Variants in ULK4 observed in about 807,000 individuals in gnomAD.
ULK4 encodes unc-51 like kinase 4.
ULK4 carries 133 observed loss-of-function variants against 160.6 expected under a neutral mutation model. The ratio of observed to expected loss-of-function variants is 0.83; its 90% CI spans 0.72 to 0.96. ULK4 has a LOEUF of 0.96. ULK4 is among the 40% of genes least tolerant of loss of function. The pLI, the probability that ULK4 is intolerant of heterozygous loss-of-function variation, is 0.00. For synonymous variants in ULK4, 534 were observed against 539.8 expected, an observed-to-expected ratio of 0.99 and a Z score of 0.15; for missense variants, 1,580 against 1,499.5, an observed-to-expected ratio of 1.05 and a Z score of -0.89.
At chr3:41,544,851 G>T (rs1039924029) in intron 32 of ULK4, among the ~76,000 whole-genome samples, 1 of 152,138 alleles carries the variant, frequency 6.6e-6, no homozygotes, top group Non-Finnish European at 1.5e-5. Flanking sequence ...CATTTCAGAT[G>T]CTTCAAGTCT....
chr3:41,277,219 C>T (rs187058897), intron 35 of ULK4, among the ~76,000 whole-genome samples: 123 of 152,212 alleles, frequency 8.1e-4, no homozygotes, highest in African/African-American at 2.9e-3. Flanking sequence ...CACAAGATAA[C>T]AAAAGAAGGA....
chr3:41,515,356 T>G, intron 32 of ULK4, among the ~76,000 whole-genome samples: 1 of 152,096 alleles, frequency 6.6e-6, no homozygotes, highest in Non-Finnish European at 1.5e-5. Flanking sequence ...TATATTCATA[T>G]AATAGAATAC....
chr3:41,828,583 T>C (rs1380523581), intron 18 of ULK4, among the ~76,000 whole-genome samples: 2 of 137,138 alleles, frequency 1.5e-5, no homozygotes, highest in Non-Finnish European at 3.0e-5. Flanking sequence ...GAATCCAACT[T>C]ACAAGGGATG....
chr3:41,839,403 T>C lies in ULK4; in HGVS notation c.1657-3432A>G, dbSNP rs150922531. On this transcript the variant is annotated intron_variant, in intron 17 of 36. Transcript: ENST00000301831. ...AATACTAAATATGTGAAGTAATAGATATAACATATATAATATATACATATA... is the reference window on the plus strand; with the variant it reads ...AATACTAAATATGTGAAGTAATAGACATAACATATATAATATATACATATA... Among the ~76,000 whole-genome samples, 21 of 149,604 alleles carry C rather than the reference T, an allele frequency of 1.4e-4. No homozygotes were observed. In the Admixed American group the frequency reaches 1.4e-3, roughly 10 times the overall value.
chr3:41,620,455 G>A (rs1291823953), intron 30 of ULK4, among the ~76,000 whole-genome samples: 2 of 152,164 alleles, frequency 1.3e-5, no homozygotes, highest in African/African-American at 2.4e-5. Context: ...TGCAAGGCTG[G>A]TTCAACATAC....
chr3:41,594,954 T>A (rs1300931366), intron 31 of ULK4, among the ~76,000 whole-genome samples: 1 of 152,062 alleles, frequency 6.6e-6, no homozygotes, highest in Non-Finnish European at 1.5e-5. Context: ...ATTATATGGC[T>A]AGGGAGAGAT....
intron 32 of ULK4, among the ~76,000 whole-genome samples, chr3:41,548,542 C>A (rs970047179): frequency 8.5e-5 from 13 of 152,226 alleles, no homozygotes; most frequent in Middle Eastern, 3.4e-3. Context: ...GACTGGCATG[C>A]GCAGAACATC....
intron 32 of ULK4, among the ~76,000 whole-genome samples, chr3:41,480,927 C>A (rs1471709117): frequency 1.3e-5 from 2 of 152,160 alleles, no homozygotes; most frequent in Non-Finnish European, 2.9e-5. Context: ...AGATAACTGT[C>A]CCCATGATTC....
At chr3:41,290,459 C>G (rs1209993133) in intron 35 of ULK4, among the ~76,000 whole-genome samples, 1 of 152,154 alleles carries the variant, frequency 6.6e-6, no homozygotes, top group Non-Finnish European at 1.5e-5. Context: ...AGTCTGGCTT[C>G]AAAGCCCCTG....
chr3:41,890,118 G>A (rs761246719), intron 16 of ULK4, among the ~76,000 whole-genome samples: 18 of 152,186 alleles, frequency 1.2e-4, no homozygotes, highest in Non-Finnish European at 1.6e-4. Context: ...ACTGGGTTTC[G>A]CTGGGTGAGA....
At chr3:41,277,120 C>T (rs983076222) in intron 35 of ULK4, among the ~76,000 whole-genome samples, 6 of 152,010 alleles carry the variant, frequency 3.9e-5, no homozygotes, top group Non-Finnish European at 8.8e-5. Context: ...AAAATTACCA[C>T]CAAAAAATGT....
At chr3:41,715,946 G>T (rs1042352489) in intron 23 of ULK4, among the ~76,000 whole-genome samples, 1 of 151,774 alleles carries the variant, frequency 6.6e-6, no homozygotes, top group Non-Finnish European at 1.5e-5. Context: ...AGGCGCAGTG[G>T]CTCATGCCTG....
intron 32 of ULK4, among the ~76,000 whole-genome samples, chr3:41,528,337 A>G (rs1296426183): frequency 6.6e-6 from 1 of 152,208 alleles, no homozygotes; most frequent in Non-Finnish European, 1.5e-5. Flanking sequence ...TTTCCGTTAG[A>G]ACCTAAATCT....
chr3:41,432,136 A>G (rs1559597127), intron 34 of ULK4, among the ~76,000 whole-genome samples: 1 of 152,136 alleles, frequency 6.6e-6, no homozygotes, highest in Non-Finnish European at 1.5e-5. Context: ...AAACAAGGCA[A>G]CGACGGCTTC....
rs201160632 is a variant in ULK4, at chr3:41,954,191, A to G, written c.138+431T>C. Among the ~76,000 whole-genome samples the G allele has an allele frequency of 5.5e-3, 831 of 150,460 alleles. 8 individuals are homozygous for G. The highest frequency in any genetic ancestry group is 0.019 in the African/African-American group (797 of 41,134). Reference sequence around the variant, plus strand: ...GACTCCGTCTTAAAAAAAAAAAAAAAAAAAGAAAAATACAAAAAATTAGCC... The same window carrying G: ...GACTCCGTCTTAAAAAAAAAAAAAAGAAAAGAAAAATACAAAAAATTAGCC... On this transcript the variant is annotated intron_variant, in intron 2 of 36. Coordinates refer to ENST00000301831, the MANE Select transcript of ULK4 (RefSeq NM_017886.4).
intron 9 of ULK4, 71 bp downstream of exon 9, chr3:41,912,736 T>C: frequency 7.8e-7 from 1 of 1,286,874 alleles, no homozygotes; most frequent in Non-Finnish European, 1.1e-6. Flanking sequence ...ATTGATGTTG[T>C]ATATTTAGAA....
At chr3:41,844,883 G>A (rs1339833495) in intron 17 of ULK4, among the ~76,000 whole-genome samples, 2 of 151,836 alleles carry the variant, frequency 1.3e-5, no homozygotes, top group Non-Finnish European at 2.9e-5. Flanking sequence ...GAGAAAGGAA[G>A]GCTGTTGTCC....
chr3:41,763,512 C>T (rs1226373952), intron 21 of ULK4, among the ~76,000 whole-genome samples: 3 of 152,186 alleles, frequency 2.0e-5, no homozygotes, highest in Middle Eastern at 3.4e-3. Context: ...ATGGAGTGAA[C>T]GCTGTGTATG....
Position 41,657,818 on chromosome 3 carries a change from T to TAAAAAAAAAAAAAAAAAAAAAAA in ULK4, c.3071+5788_3071+5789insTTTTTTTTTTTTTTTTTTTTTTT, listed in dbSNP as rs60281588. Among the ~76,000 whole-genome samples, 86 of 99,706 alleles carry TAAAAAAAAAAAAAAAAAAAAAAA rather than the reference T, an allele frequency of 8.6e-4. 6 individuals are homozygous for TAAAAAAAAAAAAAAAAAAAAAAA. Among genetic ancestry groups the TAAAAAAAAAAAAAAAAAAAAAAA allele is most frequent in the African/African-American group, 2.5e-3 (37 of 14,974 alleles). 65.4% of individuals were successfully genotyped at this position (99,706 alleles called of 152,430 possible). On this transcript the variant is annotated intron_variant, in intron 30 of 36. Transcript: ENST00000301831. ...GTGACAAAGCGAGACTCCATCTCAT[T>TAAAAAAAAAAAAAAAAAAAAAAA]AAAAAAAAAAAAAAAAACACACACC...
Sources: allele counts gnomAD v4.1 joint callset (sites outside exome capture counted in the v4.1 genomes callset), GRCh38; gene constraint gnomAD v4.1.1; transcripts MANE v1.5; gene names NCBI Gene and HGNC (gene_info 2026-07-23, HGNC 2026-07-21).